Variants in ATE1 observed in about 807,000 individuals in gnomAD.
The protein encoded by ATE1 is arginyltransferase 1, also known as arginyl-tRNA--protein transferase 1.
Under a neutral mutation model 70.5 loss-of-function variants are expected in ATE1, and 36 were observed. The observed-to-expected ratio is 0.51, with a 90% confidence interval of 0.39 to 0.67. The LOEUF (loss-of-function observed/expected upper bound fraction) is 0.67, where lower values mean the gene tolerates loss of function less well. Among genes scored for constraint, ATE1 ranks in the 30% least tolerant of loss-of-function variants. The pLI, the probability that ATE1 is intolerant of heterozygous loss-of-function variation, is 0.00. For missense variants in ATE1, 593 were observed against 629.5 expected (o/e 0.94, Z 0.62); for synonymous variants, 232 against 219.3 (o/e 1.06, Z -0.51).
At chr10:121,859,025 G>C (rs1160264438) in intron 8 of ATE1, among the ~76,000 whole-genome samples, 1 of 151,802 alleles carries the variant, frequency 6.6e-6, no homozygotes, top group Non-Finnish European at 1.5e-5. Flanking sequence ...AACCTGGGAG[G>C]TGGAGGATGC....
chr10:121,756,307 C>T (rs1368038296), intron 11 of ATE1, among the ~76,000 whole-genome samples: 1 of 152,206 alleles, frequency 6.6e-6, no homozygotes, highest in Non-Finnish European at 1.5e-5. Flanking sequence ...GGTATAGCCT[C>T]CCTCCTTGCT....
At position 121,927,203 on chromosome 10, in the gene ATE1, G is replaced by A. The variant is rs1466377605; in HGVS notation, c.106+641C>T. The A allele has an allele frequency of 4.1e-6, 4 of 985,306 alleles. No homozygotes were observed. The African/African-American group carries it at 7.0e-5, about 17-fold the overall frequency. 61.0% of individuals were successfully genotyped at this position (985,306 alleles called of 1,614,324 possible). ...AAAAACAAAACAAACTTGTGGGCTGGCTTTGCTGTCGTCCGGGTGGGTGGA... is the reference window on the plus strand; with the variant it reads ...AAAAACAAAACAAACTTGTGGGCTGACTTTGCTGTCGTCCGGGTGGGTGGA... On this transcript the variant is annotated intron_variant, in intron 1 of 11. Transcript: ENST00000224652.
At chr10:121,764,759 G>T (rs1022876532) in intron 11 of ATE1, among the ~76,000 whole-genome samples, 1 of 152,156 alleles carries the variant, frequency 6.6e-6, no homozygotes, top group Non-Finnish European at 1.5e-5. Flanking sequence ...GCAGAGTGAG[G>T]AGCAGAGATG....
intron 7 of ATE1, among the ~76,000 whole-genome samples, chr10:121,874,728 G>A (rs576573159): frequency 2.0e-5 from 3 of 152,270 alleles, no homozygotes; most frequent in South Asian, 2.1e-4. Context: ...CAACAAGGCC[G>A]GGTGCAGTGG....
chr10:121,852,702 C>T (rs1456609070), intron 8 of ATE1, among the ~76,000 whole-genome samples: 3 of 152,062 alleles, frequency 2.0e-5, no homozygotes, highest in Non-Finnish European at 2.9e-5. Flanking sequence ...CACAGCAAGA[C>T]TCTGTCTCAA....
At chr10:121,752,353 C>A (rs941497243) in intron 11 of ATE1, among the ~76,000 whole-genome samples, 3 of 150,950 alleles carry the variant, frequency 2.0e-5, no homozygotes, top group African/African-American at 7.3e-5. Context: ...GCCTCAGCCT[C>A]CCGAGTAGCT....
intron 6 of ATE1, among the ~76,000 whole-genome samples, 194 bp downstream of exon 6, chr10:121,902,197 A>T (rs1281866616): frequency 6.6e-6 from 1 of 152,220 alleles, no homozygotes; most frequent in Non-Finnish European, 1.5e-5. Context: ...TTTAAAAAAA[A>T]AGGAGTTTCC....
At chr10:121,770,658 A>G (rs1480758239) in intron 11 of ATE1, among the ~76,000 whole-genome samples, 1 of 152,128 alleles carries the variant, frequency 6.6e-6, no homozygotes, top group African/African-American at 2.4e-5. Context: ...CTGACTTAAT[A>G]AAACAATAAC....
rs1262776370 is a variant in ATE1 at position 121,902,488 on chromosome 10, G to A, written c.716C>T (p.Pro239Leu). 1 of 1,614,216 alleles carries A rather than the reference G, an allele frequency of 6.2e-7. No homozygotes were observed. The highest frequency in any genetic ancestry group is 1.7e-5 in the Admixed American group (1 of 60,016). Reference sequence around the variant, plus strand: ...TTTAGCCTTTGGTGGAAACAAAGATGGTGGGTGACCTTGAGCCTGGAAACC... The same window carrying A: ...TTTAGCCTTTGGTGGAAACAAAGATAGTGGGTGACCTTGAGCCTGGAAACC... Reference protein sequence around the residue: ...LEGFQAQGHPPSLFPPKAKSN... With the variant: ...LEGFQAQGHPLSLFPPKAKSN... The change falls in exon 6 of 12, where the codon CCA becomes CTA. Residue 239 changes from proline to leucine, a missense_variant. Around this residue, in one of 3 missense-constraint regions of ATE1, gnomAD observed 467 missense variants for 469.6 expected, o/e 0.99. Coordinates refer to ENST00000224652, the MANE Select transcript of ATE1 (RefSeq NM_001001976.3).
intron 8 of ATE1, among the ~76,000 whole-genome samples, chr10:121,862,490 G>A (rs1350106490): frequency 1.3e-5 from 2 of 151,306 alleles, no homozygotes; most frequent in African/African-American, 4.9e-5. Context: ...CAGAATTGCT[G>A]GGACTACAGG....
chr10:121,927,723 T>G, intron 1 of ATE1, 121 bp downstream of exon 1: 8 of 1,350,132 alleles, frequency 5.9e-6, no homozygotes, highest in Non-Finnish European at 7.6e-6. Flanking sequence ...GAGTGCCCCC[T>G]CCGTCTCGGC....
At chr10:121,788,762 T>A (rs954781781) in intron 11 of ATE1, among the ~76,000 whole-genome samples, 1 of 152,194 alleles carries the variant, frequency 6.6e-6, no homozygotes, top group South Asian at 2.1e-4. Context: ...ATCTCCTCTG[T>A]GGTGGGGTTC....
At chr10:121,864,596 C>A (rs1355446348) in intron 8 of ATE1, among the ~76,000 whole-genome samples, 1 of 152,148 alleles carries the variant, frequency 6.6e-6, no homozygotes. Context: ...ATATTTAGTA[C>A]CATCATAATC....
chr10:121,776,680 C>T (rs564610670), intron 11 of ATE1, among the ~76,000 whole-genome samples: 4 of 152,316 alleles, frequency 2.6e-5, no homozygotes, highest in South Asian at 2.1e-4. Flanking sequence ...GTGTACCACA[C>T]GAGTGAGGGT....
intron 7 of ATE1, among the ~76,000 whole-genome samples, chr10:121,870,501 G>A (rs979346081): frequency 6.6e-6 from 1 of 152,074 alleles, no homozygotes; most frequent in Non-Finnish European, 1.5e-5. Context: ...CCAAGAGAGA[G>A]GTCAGGTGAG....
intron 5 of ATE1, among the ~76,000 whole-genome samples, chr10:121,906,410 T>C (rs1206359310): frequency 6.6e-6 from 1 of 152,014 alleles, no homozygotes; most frequent in East Asian, 1.9e-4. Flanking sequence ...GTACTGGTAG[T>C]CCCAAGTGCT....
intron 11 of ATE1, among the ~76,000 whole-genome samples, chr10:121,772,038 C>T (rs1945540549): frequency 6.6e-6 from 1 of 152,200 alleles, no homozygotes; most frequent in Non-Finnish European, 1.5e-5. Flanking sequence ...AAGTGGACAG[C>T]CTTCCCAACA....
intron 10 of ATE1, among the ~76,000 whole-genome samples, chr10:121,834,796 G>A (rs912130410): frequency 2.6e-5 from 4 of 152,172 alleles, no homozygotes; most frequent in African/African-American, 4.8e-5. Flanking sequence ...AAACTTTCAA[G>A]AGAAATGCTG....
chr10:121,865,779 G>A (rs1949644353), intron 8 of ATE1, among the ~76,000 whole-genome samples: 1 of 152,016 alleles, frequency 6.6e-6, no homozygotes, highest in Non-Finnish European at 1.5e-5. Context: ...CCCCACAGAG[G>A]GAAGTAACTG....
Sources: gnomAD v4.1 joint callset for allele counts (sites outside exome capture counted in the v4.1 genomes callset) on GRCh38, gnomAD v4.1.1 for gene constraint, gnomAD v4.1.1 regional missense constraint, MANE v1.5 for transcripts, NCBI Gene and HGNC (gene_info 2026-07-23, HGNC 2026-07-21) for gene names.